CDH18: variants seen among roughly 807,000 people sequenced by gnomAD.
CDH18 encodes the protein cadherin 18.
CDH18 carries 31 observed loss-of-function variants against 67.9 expected under a neutral mutation model. The ratio of observed to expected loss-of-function variants is 0.46; its 90% CI spans 0.34 to 0.62. The LOEUF (loss-of-function observed/expected upper bound fraction) is 0.62. Ranked by LOEUF, CDH18 falls within the 20% of genes least tolerant of loss-of-function variation. CDH18 has a pLI of 0.01. For synonymous variants in CDH18, 362 were observed against 347.2 expected, an observed-to-expected ratio of 1.04 and a Z score of -0.48; for missense variants, 890 against 975.5, an observed-to-expected ratio of 0.91 and a Z score of 1.17.
At chr5:20,018,686 A>T (rs575284656) in intron 2 of CDH18, among the ~76,000 whole-genome samples, 1 of 152,298 alleles carries the variant, frequency 6.6e-6, no homozygotes, top group South Asian at 2.1e-4. Context: ...AAGAATCAGG[A>T]TTTTGTTTCC....
chr5:20,379,254 T>G (rs1269015352), intron 1 of CDH18, among the ~76,000 whole-genome samples: 1 of 152,232 alleles, frequency 6.6e-6, no homozygotes, highest in East Asian at 1.9e-4. Context: ...ACAATTGTCA[T>G]GTATAGATTT....
At chr5:20,513,553 T>C (rs1755174165) in intron 1 of CDH18, among the ~76,000 whole-genome samples, 1 of 152,154 alleles carries the variant, frequency 6.6e-6, no homozygotes, top group African/African-American at 2.4e-5. Context: ...ATAACTTCTT[T>C]AATATCCTAA....
chr5:20,070,184 T>G (rs1743351543), intron 2 of CDH18, among the ~76,000 whole-genome samples: 1 of 152,216 alleles, frequency 6.6e-6, no homozygotes, highest in African/African-American at 2.4e-5. Context: ...CACTTGGTAA[T>G]ATTCATTTGT....
chr5:19,593,767 T>TTATTA (rs1745720017), intron 6 of CDH18, among the ~76,000 whole-genome samples: 1 of 149,224 alleles, frequency 6.7e-6, no homozygotes, highest in Admixed American at 6.7e-5. Context: ...TTCTTTCCTT[T>TTATTA]TATTATTGAG....
chr5:20,479,075 G>T (rs1752622862), intron 1 of CDH18, among the ~76,000 whole-genome samples: 1 of 152,108 alleles, frequency 6.6e-6, no homozygotes, highest in Non-Finnish European at 1.5e-5. Flanking sequence ...ATATATGGCT[G>T]CATTGACCAA....
At chr5:20,526,699 AAAC>A (rs1046382178) in intron 1 of CDH18, among the ~76,000 whole-genome samples, 3 of 152,092 alleles carry the variant, frequency 2.0e-5, no homozygotes, top group Non-Finnish European at 2.9e-5. Flanking sequence ...CAGAAAGCAA[AAAC>A]AACAACAACA....
chr5:20,546,008 G>T lies in CDH18; in HGVS notation c.-580+29454C>A, dbSNP rs547170113. Among the ~76,000 whole-genome samples, 109 of 152,174 alleles carry T rather than the reference G, an allele frequency of 7.2e-4. 1 individual carries two copies. Among genetic ancestry groups the T allele is most frequent in the African/African-American group, 2.6e-3 (109 of 41,530 alleles). ...CATATCTTGAATGCTTTGCTGCTTA[G>T]AAATTTCTTCCACTAGATACACTAC... On this transcript the variant is annotated intron_variant, in intron 1 of 14. Coordinates refer to the CDH18 transcript ENST00000507958.
chr5:19,720,321 C>T (rs1436804654), intron 5 of CDH18, among the ~76,000 whole-genome samples: 4 of 152,116 alleles, frequency 2.6e-5, no homozygotes, highest in Non-Finnish European at 5.9e-5. Context: ...ATGCCATTTA[C>T]TTGGAGATGC....
At chr5:19,667,479 G>T (rs990499622) in intron 5 of CDH18, among the ~76,000 whole-genome samples, 6 of 134,570 alleles carry the variant, frequency 4.5e-5, no homozygotes, top group Non-Finnish European at 9.5e-5. Flanking sequence ...TAATCACAAT[G>T]AATATATATG....
At chr5:19,635,153 A>C (rs1211826731) in intron 5 of CDH18, among the ~76,000 whole-genome samples, 2 of 152,158 alleles carry the variant, frequency 1.3e-5, no homozygotes, top group South Asian at 4.1e-4. Flanking sequence ...ATAGCTAATA[A>C]GTGCTTAGTG....
intron 3 of CDH18, among the ~76,000 whole-genome samples, chr5:19,761,842 TA>T (rs1196206257): frequency 6.6e-6 from 1 of 152,082 alleles, no homozygotes; most frequent in African/African-American, 2.4e-5. Flanking sequence ...CTTCAAACTA[TA>T]CTACAAGGCT....
intron 10 of CDH18, among the ~76,000 whole-genome samples, chr5:19,520,227 T>C (rs903436513): frequency 9.2e-5 from 14 of 152,142 alleles, no homozygotes; most frequent in Admixed American, 2.0e-4. Flanking sequence ...GTTTCTAAAA[T>C]TGAATCATCG....
At chr5:20,435,834 T>A (rs995772211) in intron 1 of CDH18, among the ~76,000 whole-genome samples, 2 of 152,092 alleles carry the variant, frequency 1.3e-5, no homozygotes, top group African/African-American at 4.8e-5. Flanking sequence ...ATATCAAAGG[T>A]AAAATCAAAT....
At chr5:20,008,311 G>A (rs1737103017) in intron 2 of CDH18, among the ~76,000 whole-genome samples, 1 of 152,046 alleles carries the variant, frequency 6.6e-6, no homozygotes, top group Admixed American at 6.6e-5. Flanking sequence ...CTATTTTGGG[G>A]CTGCACTGAA....
intron 5 of CDH18, among the ~76,000 whole-genome samples, chr5:19,645,709 C>G (rs1754641266): frequency 6.6e-6 from 1 of 152,074 alleles, no homozygotes; most frequent in South Asian, 2.1e-4. Context: ...AAAGGAAACA[C>G]AAGAAAGATG....
chr5:20,567,600 T>A (rs561195073), intron 1 of CDH18, among the ~76,000 whole-genome samples: 9 of 152,286 alleles, frequency 5.9e-5, no homozygotes, highest in African/African-American at 2.2e-4. Flanking sequence ...AAGGTCAGGC[T>A]GACAAGGGAA....
intron 1 of CDH18, among the ~76,000 whole-genome samples, chr5:20,468,927 A>G (rs1581057785): frequency 6.6e-6 from 1 of 152,220 alleles, no homozygotes; most frequent in Non-Finnish European, 1.5e-5. Flanking sequence ...CTTCTGCTAG[A>G]TTACTGAGCA....
intron 1 of CDH18, among the ~76,000 whole-genome samples, chr5:20,432,319 G>A (rs1748808248): frequency 6.6e-6 from 1 of 152,072 alleles, no homozygotes; most frequent in Admixed American, 6.6e-5. Flanking sequence ...ATTTGACATT[G>A]AGACAGAATG....
At chr5:20,320,762 C>A (rs1026952886) in intron 1 of CDH18, among the ~76,000 whole-genome samples, 2 of 152,178 alleles carry the variant, frequency 1.3e-5, no homozygotes, top group East Asian at 3.9e-4. Context: ...GCAAAGATTT[C>A]TCATCTTTGA....
Sources: gnomAD v4.1 joint callset for allele counts (sites outside exome capture counted in the v4.1 genomes callset) on GRCh38, gnomAD v4.1.1 for gene constraint, MANE v1.5 for transcripts, NCBI Gene and HGNC (gene_info 2026-07-23, HGNC 2026-07-21) for gene names.